The following SNX10 variants were observed in gnomAD, a reference collection of about 807,000 sequenced individuals.
SNX10 encodes sorting nexin 10.
Under a neutral mutation model 28.5 loss-of-function variants are expected in SNX10, and 25 were observed. That is an observed-to-expected ratio of 0.88 (90% CI 0.64 to 1.22). SNX10 has a LOEUF of 1.22. Among genes scored for constraint, SNX10 ranks in the 50% most tolerant of loss-of-function variants. SNX10 has a pLI of 0.00. For synonymous variants in SNX10, 62 were observed against 81.4 expected (o/e 0.76, Z 1.28); for missense variants, 223 against 242.6 (o/e 0.92, Z 0.54).
chr7:26,355,078 T>C (rs1377701229), intron 2 of SNX10, among the ~76,000 whole-genome samples: 1 of 152,212 alleles, frequency 6.6e-6, no homozygotes, highest in African/African-American at 2.4e-5. Flanking sequence ...TCCATAATCA[T>C]TTGTTGAGAG....
chr7:26,357,078 A>G, intron 2 of SNX10: 1 of 1,223,082 alleles, frequency 8.2e-7, no homozygotes, highest in Admixed American at 2.4e-5. Flanking sequence ...CTTACAAGAC[A>G]GCCTAAGCTG....
chr7:26,343,789 G>A (rs574816649), intron 1 of SNX10, among the ~76,000 whole-genome samples: 162 of 152,240 alleles, frequency 1.1e-3, no homozygotes, highest in African/African-American at 3.8e-3. Context: ...GACTTGAGCC[G>A]CTCCTCCTCC....
chr7:26,335,436 T>G (rs947534944), intron 1 of SNX10, among the ~76,000 whole-genome samples: 1 of 152,198 alleles, frequency 6.6e-6, no homozygotes, highest in Non-Finnish European at 1.5e-5. Context: ...TTCTTCTTTT[T>G]GTGCCAGGCT....
intron 2 of SNX10, among the ~76,000 whole-genome samples, chr7:26,353,437 CTTTTTT>C (rs11386172): frequency 8.1e-5 from 6 of 74,372 alleles, no homozygotes; most frequent in East Asian, 4.3e-4. Flanking sequence ...CTGGTAAATG[CTTTTTT>C]TTTTTTTTTT....
chr7:26,364,402 CATAAAT>C lies in SNX10; in HGVS notation c.112-123_112-118del. On this transcript the variant is annotated intron_variant, in intron 3 of 6. Transcript: ENST00000338523. The surrounding 1 kb of genome is among the most constrained non-coding windows in gnomAD (Gnocchi z 4.9). ...TATGTGCAAGATTTCAGAGTACTGG[CATAAAT>C]ATAAATATATGTTTGGTGGTTTAAA... 1 of 1,395,662 alleles carries C rather than the reference CATAAAT, an allele frequency of 7.2e-7. No homozygotes were observed. Among genetic ancestry groups the C allele is most frequent in the South Asian group, 1.7e-5 (1 of 58,354 alleles). The allele number at this position is 1,395,662 out of a possible 1,614,324, so 86.5% of individuals were successfully genotyped here. A position where few individuals can be genotyped will look rare whatever the true frequency, so the allele number is the denominator to read the frequency against.
intron 2 of SNX10, among the ~76,000 whole-genome samples, chr7:26,349,959 A>G (rs1265608742): frequency 1.3e-5 from 2 of 152,118 alleles, no homozygotes; most frequent in Non-Finnish European, 2.9e-5. Flanking sequence ...TCCCTCCTCC[A>G]TAAGGGCACT....
At chr7:26,346,157 G>A (rs1442896426) in intron 1 of SNX10, among the ~76,000 whole-genome samples, 2 of 152,156 alleles carry the variant, frequency 1.3e-5, no homozygotes, top group Admixed American at 1.3e-4. Context: ...AGCCTGACTG[G>A]CTGGCCTTGC....
chr7:26,353,064 G>T (rs1451833570), intron 2 of SNX10, among the ~76,000 whole-genome samples: 1 of 152,054 alleles, frequency 6.6e-6, no homozygotes, highest in East Asian at 1.9e-4. Flanking sequence ...TACTACTTGT[G>T]TAAAGAAACT....
intron 1 of SNX10, among the ~76,000 whole-genome samples, chr7:26,315,668 CAA>C (rs879370132): frequency 1.5e-5 from 2 of 129,896 alleles, no homozygotes; most frequent in Admixed American, 7.8e-5. Context: ...GACTCCATCT[CAA>C]AAAAAAAAAA....
intron 1 of SNX10, among the ~76,000 whole-genome samples, chr7:26,301,797 G>C (rs1159597288): frequency 1.3e-5 from 2 of 152,158 alleles, no homozygotes; most frequent in Non-Finnish European, 2.9e-5. Context: ...GACAGGATTT[G>C]AGCCACAGCT....
intron 3 of SNX10, among the ~76,000 whole-genome samples, chr7:26,361,545 T>C (rs1355612855): frequency 3.9e-5 from 6 of 152,218 alleles, no homozygotes; most frequent in Non-Finnish European, 7.3e-5. Context: ...GTAATTAATG[T>C]AACGAGTAAG....
rs2127990960 is a variant in SNX10 at position 26,291,967 on chromosome 7, T to G, written c.-143T>G. 1.5e-5 allele frequency: 2 copies of G among 137,804 alleles called. No homozygotes were observed. Among genetic ancestry groups the G allele is most frequent in the East Asian group, 5.8e-4 (2 of 3,450 alleles). 8.5% of individuals were successfully genotyped at this position (137,804 alleles called of 1,614,324 possible). On this transcript the variant is annotated 5_prime_UTR_variant, in exon 1 of 7. Coordinates refer to ENST00000338523, the MANE Select transcript of SNX10 (RefSeq NM_013322.3). ...CGCGGGGAGCGCGGGGCTGCGCTCG[T>G]GTGCGCTCCTGGGCGCTCGCCGCCG...
intron 5 of SNX10, among the ~76,000 whole-genome samples, chr7:26,368,043 AG>A (rs1789366663): frequency 6.6e-6 from 1 of 152,236 alleles, no homozygotes; most frequent in Non-Finnish European, 1.5e-5. Context: ...GTAATAAGAA[AG>A]TACTGATCTT....
At chr7:26,347,322 A>G (rs566601867) in intron 2 of SNX10, among the ~76,000 whole-genome samples, 13 of 151,490 alleles carry the variant, frequency 8.6e-5, no homozygotes, top group Non-Finnish European at 1.6e-4. Flanking sequence ...GCATCCCTTA[A>G]CTCTAGGCTG....
intron 1 of SNX10, among the ~76,000 whole-genome samples, chr7:26,345,315 C>T (rs1788338328): frequency 6.6e-6 from 1 of 152,180 alleles, no homozygotes; most frequent in Non-Finnish European, 1.5e-5. Context: ...CGCTTTTCAC[C>T]AGGCTCTGTG....
At chr7:26,296,195 A>C (rs1480760086) in intron 1 of SNX10, among the ~76,000 whole-genome samples, 1 of 152,182 alleles carries the variant, frequency 6.6e-6, no homozygotes, top group Non-Finnish European at 1.5e-5. Flanking sequence ...ATTTTTGCAT[A>C]GTATGTGGCT....
chr7:26,292,742 A>T (rs373774683), intron 1 of SNX10, among the ~76,000 whole-genome samples: 3 of 152,218 alleles, frequency 2.0e-5, no homozygotes, highest in Non-Finnish European at 2.9e-5. Context: ...TCTCTACAAG[A>T]CACGTTAAAA....
intron 2 of SNX10, among the ~76,000 whole-genome samples, chr7:26,349,532 T>A (rs192971827): frequency 1.3e-5 from 2 of 152,322 alleles, no homozygotes; most frequent in East Asian, 3.9e-4. Context: ...CTGATGGATC[T>A]TCTCCATAAA....
At chr7:26,330,598 G>T (rs1006077861) in intron 1 of SNX10, among the ~76,000 whole-genome samples, 6 of 152,152 alleles carry the variant, frequency 3.9e-5, no homozygotes, top group African/African-American at 1.4e-4. Context: ...GAGGGCAGAG[G>T]AAGGACGGAG....
Sources: allele counts gnomAD v4.1 joint callset (sites outside exome capture counted in the v4.1 genomes callset), GRCh38; gene constraint gnomAD v4.1.1; non-coding constraint Gnocchi (gnomAD v3.1); transcripts MANE v1.5; gene names NCBI Gene and HGNC (gene_info 2026-07-23, HGNC 2026-07-21).